Variants in MAP1S observed in about 807,000 individuals in gnomAD.
MAP1S encodes microtubule associated protein 1S, also known as microtubule-associated protein 1S.
A neutral mutation model predicts 60.9 loss-of-function variants in MAP1S; 27 were observed. The ratio of observed to expected loss-of-function variants is 0.44; its 90% CI spans 0.33 to 0.61. The LOEUF is 0.61. MAP1S is among the 20% of genes least tolerant of loss of function. The probability of loss-of-function intolerance (pLI) is 0.03; values close to 1 mark genes in which losing one functional copy is unlikely to be tolerated. For missense variants in MAP1S, 1,608 were observed against 1,486.6 expected, an observed-to-expected ratio of 1.08 and a Z score of -1.34; for synonymous variants, 826 against 694.2, an observed-to-expected ratio of 1.19 and a Z score of -2.98.
intron 5 of MAP1S, among the ~76,000 whole-genome samples, chr19:17,731,059 T>A (rs987491264): frequency 4.6e-4 from 70 of 151,650 alleles, no homozygotes; most frequent in African/African-American, 1.6e-3. Context: ...ACCTGGCTAA[T>A]TTTTTTTGTG....
intron 6 of MAP1S, among the ~76,000 whole-genome samples, 190 bp from the exon 7 acceptor site, chr19:17,734,083 G>A (rs1204640910): frequency 6.6e-6 from 1 of 152,186 alleles, no homozygotes; most frequent in Non-Finnish European, 1.5e-5. Flanking sequence ...TGGTTGGGAG[G>A]AACAGGGACC....
At chr19:17,733,133 G>C in intron 5 of MAP1S, 60 bp from the exon 6 acceptor site, 1 of 1,210,756 alleles carries the variant, frequency 8.3e-7, no homozygotes, top group Non-Finnish European at 1.2e-6. Flanking sequence ...CGAACTTGGA[G>C]CCTCGGCCCC....
chr19:17,727,554 C>A lies in MAP1S; in HGVS notation c.2170C>A (p.Pro724Thr). The A allele has an allele frequency of 1.2e-6, 2 of 1,608,320 alleles. No individual in the cohort carries two copies. Among genetic ancestry groups the A allele is most frequent in the Non-Finnish European group, 1.7e-6 (2 of 1,179,376 alleles). ...TGGGCTGAGCCTCCCGCTGCGTGGC[C>A]CCCGGGCGCGGCGCTCGGCTTCCCC... ...EAGLSLPLRGPRARRSASPHD... is the reference protein window; with the variant it reads ...EAGLSLPLRGTRARRSASPHD... The change falls in exon 5 of 7, where the codon CCC becomes ACC. Residue 724 changes from proline to threonine, a missense_variant. By Grantham distance (38) the Pro-to-Thr change is conservative. Around this residue, in one of 4 missense-constraint regions of MAP1S, gnomAD observed 1,167 missense variants for 961.4 expected, o/e 1.21. Coordinates refer to ENST00000324096, the MANE Select transcript of MAP1S (RefSeq NM_018174.6). The surrounding 1 kb of genome is among the most constrained non-coding windows in gnomAD (Gnocchi z 4.1).
At chr19:17,720,511 G>A (rs2080360999) in intron 1 of MAP1S, 3 of 1,506,270 alleles carry the variant, frequency 2.0e-6, no homozygotes, top group Non-Finnish European at 2.6e-6. Flanking sequence ...AGGATGAGAA[G>A]GCTGCAAGGG....
At position 17,719,523 on chromosome 19, in the gene MAP1S, T is replaced by C. The variant is rs2080351435; in HGVS notation, c.21T>C (p.Ser7=). 1.6e-6 allele frequency: 2 copies of C among 1,245,664 alleles called. No individual in the cohort carries two copies. Among genetic ancestry groups the C allele is most frequent in the East Asian group, 6.3e-5 (2 of 31,614 alleles). 77.2% of individuals were successfully genotyped at this position (1,245,664 alleles called of 1,614,324 possible). A position where few individuals can be genotyped will look rare whatever the true frequency, so the allele number is the denominator to read the frequency against. Residue 7 remains serine, a synonymous_variant, in exon 1 of 7, where the codon TCT becomes TCC. Coordinates refer to ENST00000324096, the MANE Select transcript of MAP1S (RefSeq NM_018174.6). MAAVAG[S]GAAAAPSSLL... ...CGAAGATGGCGGCGGTGGCTGGATC[T>C]GGGGCTGCCGCGGCTCCGAGCTCAC...
Position 17,725,003 on chromosome 19 carries a change from C to T in MAP1S, c.304-46C>T, listed in dbSNP as rs767845420. The T allele has an allele frequency of 3.2e-5, 52 of 1,609,322 alleles. No individual in the cohort carries two copies. In the African/African-American group the frequency reaches 3.6e-4, roughly 11 times the overall value. On this transcript the variant is annotated intron_variant, in intron 3 of 6. Transcript: ENST00000324096. The surrounding 1 kb of genome is among the most constrained non-coding windows in gnomAD (Gnocchi z 4.2). ...CTACCCCAAAGAGGACTGCTGGATACGTCACTGCACAGAACGGGTCCTTTA... is the reference window on the plus strand; with the variant it reads ...CTACCCCAAAGAGGACTGCTGGATATGTCACTGCACAGAACGGGTCCTTTA...
intron 2 of MAP1S, among the ~76,000 whole-genome samples, chr19:17,721,900 C>T (rs551786486): frequency 9.9e-5 from 15 of 152,230 alleles, no homozygotes; most frequent in East Asian, 5.8e-4. Flanking sequence ...GAGCAGCAGG[C>T]GGGCAGGCAG....
chr19:17,731,146 C>T (rs905812126), intron 5 of MAP1S, among the ~76,000 whole-genome samples: 8 of 152,102 alleles, frequency 5.3e-5, no homozygotes, highest in African/African-American at 1.9e-4. Flanking sequence ...CTGCCCGCCT[C>T]GGCCTCCCAG....
chr19:17,732,992 GC>G, intron 5 of MAP1S, 200 bp from the exon 6 acceptor site: 2 of 552,386 alleles, frequency 3.6e-6, no homozygotes, highest in Non-Finnish European at 6.4e-6. Flanking sequence ...TTTGTGACGA[GC>G]CTGGGCAGCA....
chr19:17,731,738 T>C (rs2080494799), intron 5 of MAP1S, among the ~76,000 whole-genome samples: 1 of 152,230 alleles, frequency 6.6e-6, no homozygotes, highest in Non-Finnish European at 1.5e-5. Flanking sequence ...CAATCTCAGC[T>C]CACTGCAACC....
In MAP1S at chr19:17,734,438, C is replaced by T. The variant is rs199550263; in HGVS notation, c.*10C>T. ...CAAGGTGGAGTTCTAGCCCCATCGC[C>T]GACACGCCCCCCACTCAGCCCAGCC... On this transcript the variant is annotated 3_prime_UTR_variant, in exon 7 of 7. Coordinates refer to ENST00000324096, the MANE Select transcript of MAP1S (RefSeq NM_018174.6). The T allele has an allele frequency of 1.6e-4, 257 of 1,600,062 alleles. No homozygotes were observed. Among genetic ancestry groups the T allele is most frequent in the Non-Finnish European group, 2.0e-4 (238 of 1,172,606 alleles).
Position 17,734,361 on chromosome 19 carries a change from T to C in MAP1S, c.3113T>C (p.Val1038Ala). The part of the protein sequence containing the change: ...HARHQALGIT[V>A]LGSNSMVSMQ... ...CGGCACCAGGCGCTGGGCATCACGG[T>C]GTTGGGCAGCAACAGCATGGTGTCC... Residue 1038 changes from valine (V) to alanine (A), a missense_variant, in exon 7 of 7, where the codon GTG (valine) becomes GCG (alanine). Physicochemically the swap from Val to Ala is moderately conservative, Grantham distance 64. Coordinates refer to ENST00000324096, the MANE Select transcript of MAP1S (RefSeq NM_018174.6). 1 of 1,613,722 alleles carries C rather than the reference T, an allele frequency of 6.2e-7. No individual in the cohort carries two copies. Among genetic ancestry groups the C allele is most frequent in the Non-Finnish European group, 8.5e-7 (1 of 1,179,962 alleles).
chr19:17,727,979 C>T lies in MAP1S; in HGVS notation c.2595C>T (p.Pro865=), dbSNP rs1489341057. The T allele has an allele frequency of 3.7e-6, 6 of 1,610,110 alleles. No individual in the cohort carries two copies. In the Admixed American group the frequency reaches 5.0e-5, roughly 14 times the overall value. Residue 865 remains proline (P), a synonymous_variant, in exon 5 of 7, where the codon CCC becomes CCT. Coordinates refer to ENST00000324096, the MANE Select transcript of MAP1S (RefSeq NM_018174.6). The surrounding 1 kb of genome is among the most constrained non-coding windows in gnomAD (Gnocchi z 4.1). The stretch of plus-strand genomic sequence containing the variant: ...AGAACGTCAGCCGCACCCGGAAGCC[C>T]CTGGCCCGCCCCAACTCACGCGCTG... The part of the protein sequence containing the change: ...QTENVSRTRK[P]LARPNSRAAA...
intron 2 of MAP1S, among the ~76,000 whole-genome samples, chr19:17,722,143 A>G (rs1679363501): frequency 1.3e-5 from 2 of 152,178 alleles, no homozygotes; most frequent in Admixed American, 1.3e-4. Flanking sequence ...ATGGGGCAAT[A>G]TCCCTGTGTG....
rs1599462525 is a variant in MAP1S, at chr19:17,727,518, A to G, written c.2134A>G (p.Thr712Ala). Reference protein sequence around the residue: ...FEQVLPPSAPTSEAGLSLPLR... With the variant: ...FEQVLPPSAPASEAGLSLPLR... ...GCAGGTGCTGCCGCCATCCGCCCCC[A>G]CCAGTGAGGCTGGGCTGAGCCTCCC... The change falls in exon 5 of 7, where the codon ACC becomes GCC. Residue 712 changes from threonine to alanine, a missense_variant. This residue lies in a region of MAP1S where 1,167 missense variants were observed against 961.4 expected (regional missense o/e 1.21). Transcript: ENST00000324096. The surrounding 1 kb of genome is among the most constrained non-coding windows in gnomAD (Gnocchi z 4.1). 6.2e-7 allele frequency: 1 copy of G among 1,610,604 alleles called. No individual in the cohort carries two copies. The highest frequency in any genetic ancestry group is 2.2e-5 in the East Asian group (1 of 44,806).
At chr19:17,729,113 A>G (rs539283361) in intron 5 of MAP1S, 1 of 152,352 alleles carries the variant, frequency 6.6e-6, no homozygotes, top group South Asian at 2.1e-4. Flanking sequence ...CTCATAGCAG[A>G]GCAAAATCAG....
chr19:17,719,635 GGGGCCCGCGGGAGCCCGGGAGGC>G lies in MAP1S; in HGVS notation c.118+23_118+45del. The G allele has an allele frequency of 8.2e-7, 1 of 1,223,474 alleles. No homozygotes were observed. Among genetic ancestry groups the G allele is most frequent in the Non-Finnish European group, 1.0e-6 (1 of 971,484 alleles). 75.8% of individuals were successfully genotyped at this position (1,223,474 alleles called of 1,614,324 possible). A position where few individuals can be genotyped will look rare whatever the true frequency, so the allele number is the denominator to read the frequency against. The stretch of plus-strand genomic sequence containing the variant: ...GCTCGAAAGAGGTCGGGCTGGCCTG[GGGGCCCGCGGGAGCCCGGGAGGC>G]GGGCCCGTTCGCGCGTCTGGGCCCG... On this transcript the variant is annotated intron_variant, in intron 1 of 6. Coordinates refer to ENST00000324096, the MANE Select transcript of MAP1S (RefSeq NM_018174.6).
At position 17,727,108 on chromosome 19, in the gene MAP1S, C is replaced by T. The variant is rs755675598; in HGVS notation, c.1724C>T (p.Pro575Leu). The T allele has an allele frequency of 3.1e-6, 5 of 1,601,122 alleles. No individual in the cohort carries two copies. Among genetic ancestry groups the T allele is most frequent in the Admixed American group, 1.7e-5 (1 of 59,162 alleles). The change falls in exon 5 of 7, where the codon CCG becomes CTG. Residue 575 changes from proline to leucine, a missense_variant. Physicochemically the swap from Pro to Leu is moderately conservative, Grantham distance 98. Transcript: ENST00000324096. The surrounding 1 kb of genome is among the most constrained non-coding windows in gnomAD (Gnocchi z 4.1). ...AGCACGTCCCACTCTGGCTTCCCGC[C>T]GGTGGCAAATGGACCCCGCAGCCCG... ...APSTSHSGFP[P>L]VANGPRSPPS...
Position 17,719,493 on chromosome 19 carries a change from C to A in MAP1S, c.-10C>A, listed in dbSNP as rs2145969158. On this transcript the variant is annotated 5_prime_UTR_variant, in exon 1 of 7. Coordinates refer to ENST00000324096, the MANE Select transcript of MAP1S (RefSeq NM_018174.6). ...GGGGCGGGCGCCGAGAACGCCGGGGCGGCCCGAAGATGGCGGCGGTGGCTG... is the reference window on the plus strand; with the variant it reads ...GGGGCGGGCGCCGAGAACGCCGGGGAGGCCCGAAGATGGCGGCGGTGGCTG... 1.6e-6 allele frequency: 2 copies of A among 1,241,634 alleles called. No homozygotes were observed. The highest frequency in any genetic ancestry group is 2.0e-6 in the Non-Finnish European group (2 of 985,242). 76.9% of individuals were successfully genotyped at this position (1,241,634 alleles called of 1,614,324 possible). A position where few individuals can be genotyped will look rare whatever the true frequency, so the allele number is the denominator to read the frequency against.
Sources: gnomAD v4.1 joint callset for allele counts (sites outside exome capture counted in the v4.1 genomes callset) on GRCh38, gnomAD v4.1.1 for gene constraint, gnomAD v4.1.1 regional missense constraint, Gnocchi (gnomAD v3.1) non-coding constraint, MANE v1.5 for transcripts, NCBI Gene and HGNC (gene_info 2026-07-23, HGNC 2026-07-21) for gene names.